SEMA3A: variants seen among roughly 807,000 people sequenced by gnomAD.
The protein encoded by SEMA3A is semaphorin-3A.
SEMA3A carries 29 observed loss-of-function variants against 97.9 expected under a neutral mutation model. The observed-to-expected ratio is 0.30, with a 90% confidence interval of 0.22 to 0.40. The LOEUF is 0.40. Ranked by LOEUF, SEMA3A falls within the 10% of genes least tolerant of loss-of-function variation. The pLI is 1.00. For synonymous variants in SEMA3A, 321 were observed against 323.7 expected, an observed-to-expected ratio of 0.99 and a Z score of 0.09; for missense variants, 763 against 951.3, an observed-to-expected ratio of 0.80 and a Z score of 2.60.
chr7:84,268,249 A>ATGTGTGTGTG lies in SEMA3A; in HGVS notation c.-83+38948_-83+38957dup, dbSNP rs66460940. 1.9e-3 allele frequency among the ~76,000 whole-genome samples: 250 copies of ATGTGTGTGTG among 131,032 alleles called. 1 individual carries two copies. Among genetic ancestry groups the ATGTGTGTGTG allele is most frequent in the East Asian group, 4.4e-3 (19 of 4,342 alleles). The allele number at this position is 131,032 out of a possible 152,430, so 86.0% of individuals were successfully genotyped here. On this transcript the variant is annotated intron_variant, in intron 3 of 3. Coordinates refer to the SEMA3A transcript ENST00000424555. ...AAGATTTTTCCTGAGAGACATAAGC[A>ATGTGTGTGTG]TGTGTGTGTGTGTGTGTGTGTGTGT...
At position 84,149,491 on chromosome 7, in the gene SEMA3A, C is replaced by T. The variant is rs150998329; in HGVS notation, c.113-14540G>A. Reference sequence around the variant, plus strand: ...CTCTCCCAGGACCCATTAAATCAAGCACACCTCTGGGTTGGAAAGGACAAT... The same window carrying T: ...CTCTCCCAGGACCCATTAAATCAAGTACACCTCTGGGTTGGAAAGGACAAT... On this transcript the variant is annotated intron_variant, in intron 1 of 16. Transcript: ENST00000265362. 1.1e-3 allele frequency among the ~76,000 whole-genome samples: 173 copies of T among 152,276 alleles called. 1 individual carries two copies. The East Asian group carries it at 0.013, about 11-fold the overall frequency.
intron 5 of SEMA3A, among the ~76,000 whole-genome samples, chr7:84,049,393 C>T (rs1792497622): frequency 6.6e-6 from 1 of 152,014 alleles, no homozygotes; most frequent in South Asian, 2.1e-4. Flanking sequence ...ATGATGATTG[C>T]TCTAGATAAG....
At chr7:84,162,328 A>C (rs2116169417) in intron 1 of SEMA3A, among the ~76,000 whole-genome samples, 1 of 152,228 alleles carries the variant, frequency 6.6e-6, no homozygotes, top group South Asian at 2.1e-4. Context: ...GATTTTACAA[A>C]TGTAAATGTG....
intron 1 of SEMA3A, among the ~76,000 whole-genome samples, chr7:84,189,143 A>G (rs1029278482): frequency 1.3e-5 from 2 of 151,874 alleles, no homozygotes; most frequent in African/African-American, 2.4e-5. Flanking sequence ...ATGTATGTTT[A>G]CAACTGCTGG....
intron 15 of SEMA3A, among the ~76,000 whole-genome samples, chr7:83,964,478 C>T (rs528042620): frequency 6.6e-6 from 1 of 152,214 alleles, no homozygotes; most frequent in South Asian, 2.1e-4. Flanking sequence ...ACTGTCATAG[C>T]TGATGATTTG....
rs556200680 is a variant in SEMA3A, at chr7:84,148,776, G to A, written c.113-13825C>T. Reference sequence around the variant, plus strand: ...TCCTCCAGCTACTCGACAAGAAGCCGCTAAGATGAAAGATCTTTGTGATGA... The same window carrying A: ...TCCTCCAGCTACTCGACAAGAAGCCACTAAGATGAAAGATCTTTGTGATGA... On this transcript the variant is annotated intron_variant, in intron 1 of 16. Coordinates refer to ENST00000265362, the MANE Select transcript of SEMA3A (RefSeq NM_006080.3). Among the ~76,000 whole-genome samples the A allele has an allele frequency of 3.3e-5, 5 of 152,224 alleles. 1 individual carries two copies. In the East Asian group the frequency reaches 5.8e-4, roughly 18 times the overall value.
intron 6 of SEMA3A, among the ~76,000 whole-genome samples, chr7:84,024,949 T>C (rs984071404): frequency 4.0e-5 from 6 of 151,820 alleles, no homozygotes; most frequent in Admixed American, 2.6e-4. Context: ...TAGCCGGGCA[T>C]GGTGGTGGGC....
intron 5 of SEMA3A, among the ~76,000 whole-genome samples, chr7:84,055,930 T>G (rs1375274054): frequency 6.6e-6 from 1 of 152,206 alleles, no homozygotes. Flanking sequence ...TTTGTCCAAT[T>G]TTATTAAATT....
At chr7:84,403,327 A>T (rs1003561256) in intron 1 of SEMA3A, among the ~76,000 whole-genome samples, 4 of 152,190 alleles carry the variant, frequency 2.6e-5, no homozygotes, top group Non-Finnish European at 5.9e-5. Context: ...ATCAAACTGC[A>T]AGGTGGCAGC....
chr7:84,232,065 T>TATACACACACATAC (rs1799128120), intron 3 of SEMA3A, among the ~76,000 whole-genome samples: 1 of 151,392 alleles, frequency 6.6e-6, no homozygotes, highest in South Asian at 2.1e-4. Flanking sequence ...CATATATATA[T>TATACACACACATAC]ATACACACAC....
chr7:84,144,355 G>T (rs1796404700), intron 1 of SEMA3A, among the ~76,000 whole-genome samples: 1 of 151,900 alleles, frequency 6.6e-6, no homozygotes, highest in South Asian at 2.1e-4. Context: ...GTTGGCACAA[G>T]AAATAGAGGC....
chr7:84,395,615 G>A (rs1456197100), intron 1 of SEMA3A, among the ~76,000 whole-genome samples: 5 of 151,072 alleles, frequency 3.3e-5, no homozygotes, highest in Non-Finnish European at 7.4e-5. Flanking sequence ...TTGAATCATG[G>A]GGGTGGTTTC....
intron 14 of SEMA3A, 81 bp from the exon 15 acceptor site, chr7:83,977,277 A>G: frequency 1.5e-6 from 1 of 653,594 alleles, no homozygotes; most frequent in South Asian, 2.6e-5. Context: ...GAAGAGAAAT[A>G]AAATATATAT....
intron 2 of SEMA3A, among the ~76,000 whole-genome samples, chr7:84,316,231 G>A (rs564699524): frequency 1.4e-5 from 2 of 147,414 alleles, no homozygotes; most frequent in Admixed American, 1.4e-4. Flanking sequence ...AGTTAACTGT[G>A]ATAAAATTTC....
At chr7:84,011,622 C>G (rs1790877184) in intron 7 of SEMA3A, among the ~76,000 whole-genome samples, 1 of 151,972 alleles carries the variant, frequency 6.6e-6, no homozygotes, top group Non-Finnish European at 1.5e-5. Flanking sequence ...ACACAATGGT[C>G]TACAATTCAG....
chr7:84,124,324 A>G (rs1232991262), intron 3 of SEMA3A, among the ~76,000 whole-genome samples: 1 of 152,188 alleles, frequency 6.6e-6, no homozygotes, highest in African/African-American at 2.4e-5. Context: ...AGGAAATGGT[A>G]AGTGCAGGCT....
chr7:84,201,805 C>G (rs768085113), intron 3 of SEMA3A, among the ~76,000 whole-genome samples: 13 of 152,034 alleles, frequency 8.6e-5, no homozygotes, highest in Non-Finnish European at 1.5e-4. Context: ...ATTACAGATT[C>G]AAGGTGAAAA....
chr7:84,141,549 G>C (rs1247738952), intron 1 of SEMA3A, among the ~76,000 whole-genome samples: 1 of 152,106 alleles, frequency 6.6e-6, no homozygotes, highest in East Asian at 1.9e-4. Flanking sequence ...AGCATGTGCA[G>C]GTTTGTTACA....
intron 3 of SEMA3A, among the ~76,000 whole-genome samples, chr7:84,282,602 A>C (rs1469398767): frequency 1.3e-5 from 2 of 152,134 alleles, no homozygotes; most frequent in African/African-American, 4.8e-5. Context: ...ACGTTAAGCC[A>C]GTGATTTCTA....
Sources: gnomAD v4.1 joint callset for allele counts (sites outside exome capture counted in the v4.1 genomes callset) on GRCh38, gnomAD v4.1.1 for gene constraint, MANE v1.5 for transcripts, NCBI Gene and HGNC (gene_info 2026-07-23, HGNC 2026-07-21) for gene names.